The following PEX14 variants were observed in gnomAD, a reference collection of about 807,000 sequenced individuals.
PEX14 encodes peroxisomal biogenesis factor 14.
In PEX14, 15 loss-of-function variants were observed where a neutral mutation model predicts 49.5. That is an observed-to-expected ratio of 0.30 (90% CI 0.20 to 0.47). PEX14 has a LOEUF of 0.47. Ranked by LOEUF, PEX14 falls within the 20% of genes least tolerant of loss-of-function variation. The pLI is 1.00. For synonymous variants in PEX14, 210 were observed against 212.7 expected (o/e 0.99, Z 0.11); for missense variants, 398 against 494.8 (o/e 0.80, Z 1.86).
intron 2 of PEX14, among the ~76,000 whole-genome samples, chr1:10,509,505 TC>T (rs1641847315): frequency 6.6e-6 from 1 of 152,156 alleles, no homozygotes; most frequent in Non-Finnish European, 1.5e-5. Context: ...TAACTTCAGT[TC>T]CAGTGAAATC....
intron 3 of PEX14, among the ~76,000 whole-genome samples, chr1:10,563,208 G>A (rs915679960): frequency 4.7e-5 from 7 of 150,090 alleles, no homozygotes; most frequent in Admixed American, 1.3e-4. Flanking sequence ...GAGCCACGGC[G>A]CCTGGCCGCT....
At chr1:10,531,001 C>T (rs1369757428) in intron 2 of PEX14, among the ~76,000 whole-genome samples, 1 of 152,150 alleles carries the variant, frequency 6.6e-6, no homozygotes, top group Non-Finnish European at 1.5e-5. Context: ...CCGCTGCTTC[C>T]TTCCCTCCCC....
chr1:10,537,328 G>A (rs1486608637), intron 3 of PEX14, among the ~76,000 whole-genome samples: 2 of 90,244 alleles, frequency 2.2e-5, no homozygotes, highest in Non-Finnish European at 4.1e-5. Flanking sequence ...CTCACTGGCT[G>A]CATTGTGCCA....
intron 3 of PEX14, among the ~76,000 whole-genome samples, chr1:10,559,791 T>C (rs1330424886): frequency 6.6e-6 from 1 of 152,242 alleles, no homozygotes; most frequent in African/African-American, 2.4e-5. Flanking sequence ...GTCATCAGGC[T>C]GCTGCCCTCA....
chr1:10,558,934 A>T (rs11121588), intron 3 of PEX14, among the ~76,000 whole-genome samples: 109,977 of 151,326 alleles, frequency 0.73, 41,057 homozygotes, highest in Non-Finnish European at 0.82. Context: ...TTTTTAATTT[A>T]TTCTTCTTGC....
At chr1:10,534,669 G>T (rs901266020) in intron 2 of PEX14, among the ~76,000 whole-genome samples, 7 of 152,070 alleles carry the variant, frequency 4.6e-5, no homozygotes, top group African/African-American at 1.4e-4. Context: ...CATGACGGTG[G>T]TTAGTACTGT....
chr1:10,496,572 T>A (rs922357900), intron 2 of PEX14, among the ~76,000 whole-genome samples: 5 of 152,196 alleles, frequency 3.3e-5, no homozygotes, highest in African/African-American at 1.2e-4. Flanking sequence ...CAAATTTTGA[T>A]GTACCCATTT....
At chr1:10,516,007 C>G (rs945562827) in intron 2 of PEX14, among the ~76,000 whole-genome samples, 9 of 152,210 alleles carry the variant, frequency 5.9e-5, no homozygotes, top group Non-Finnish European at 1.3e-4. Flanking sequence ...TCATACCTTA[C>G]TTTGATTTGA....
chr1:10,521,850 TC>T (rs1638303495), intron 2 of PEX14, among the ~76,000 whole-genome samples: 1 of 152,220 alleles, frequency 6.6e-6, no homozygotes, highest in East Asian at 1.9e-4. Context: ...TCTAGGTAAT[TC>T]CTGGGAAAGA....
At chr1:10,533,189 G>A (rs545675243) in intron 2 of PEX14, among the ~76,000 whole-genome samples, 86 of 152,144 alleles carry the variant, frequency 5.7e-4, no homozygotes, top group African/African-American at 2.0e-3. Context: ...AGCACATTAG[G>A]TTGGGGCTAT....
At chr1:10,504,765 C>G (rs1446797437) in intron 2 of PEX14, among the ~76,000 whole-genome samples, 1 of 150,794 alleles carries the variant, frequency 6.6e-6, no homozygotes, top group Non-Finnish European at 1.5e-5. Flanking sequence ...TTTCCTTTTC[C>G]TTTTCTCTTC....
Position 10,629,558 on chromosome 1 carries a change from C to T in PEX14, c.705C>T (p.Ala235=). The change falls in exon 9 of 9, where the codon GCC becomes GCT. Residue 235 remains alanine (A), a synonymous_variant. Coordinates refer to ENST00000356607, the MANE Select transcript of PEX14 (RefSeq NM_004565.3). The surrounding 1 kb of genome is among the most constrained non-coding windows in gnomAD (Gnocchi z 8.5). ...NRRQFPPSPS[A]PKIPSWQIPV... The stretch of plus-strand genomic sequence containing the variant: ...GGCAGTTCCCTCCATCCCCATCAGC[C>T]CCGAAGATCCCCTCCTGGCAGATCC... 1 of 1,613,860 alleles carries T rather than the reference C, an allele frequency of 6.2e-7. No individual in the cohort carries two copies.
intron 3 of PEX14, among the ~76,000 whole-genome samples, chr1:10,560,478 A>T (rs1639620793): frequency 6.6e-6 from 1 of 152,026 alleles, no homozygotes. Flanking sequence ...CCCAGGCTGG[A>T]GTGCAGTGGT....
chr1:10,591,657 G>GTGTA (rs1332614887), intron 3 of PEX14, among the ~76,000 whole-genome samples: 3 of 151,754 alleles, frequency 2.0e-5, no homozygotes, highest in Admixed American at 6.6e-5. Flanking sequence ...GTGTGTGTGT[G>GTGTA]TGTGTGTGTG....
chr1:10,519,075 C>T (rs1423622172), intron 2 of PEX14, among the ~76,000 whole-genome samples: 1 of 152,256 alleles, frequency 6.6e-6, no homozygotes, highest in Admixed American at 6.5e-5. Context: ...CGTTGTCCAA[C>T]AGGGGGTGAA....
chr1:10,505,179 C>T (rs1641759965), intron 2 of PEX14, among the ~76,000 whole-genome samples: 1 of 152,138 alleles, frequency 6.6e-6, no homozygotes, highest in South Asian at 2.1e-4. Flanking sequence ...AGGTATTAAA[C>T]ATCTTTTAGG....
chr1:10,518,300 C>T (rs888978324), intron 2 of PEX14, among the ~76,000 whole-genome samples: 1 of 152,064 alleles, frequency 6.6e-6, no homozygotes, highest in Non-Finnish European at 1.5e-5. Context: ...CTCCCTGCCT[C>T]CCCCGGGTGG....
chr1:10,604,075 G>A (rs1218065037), intron 4 of PEX14, among the ~76,000 whole-genome samples: 1 of 152,146 alleles, frequency 6.6e-6, no homozygotes. Flanking sequence ...CCAGACCCCT[G>A]GGCTAAAGAG....
chr1:10,627,158 C>G (rs568433509), intron 7 of PEX14, 114 bp from the exon 8 acceptor site: 28 of 783,572 alleles, frequency 3.6e-5, no homozygotes, highest in Non-Finnish European at 6.1e-5. Flanking sequence ...CCGGGTTCCC[C>G]AGAACAGACC....
Sources: gnomAD v4.1 joint callset for allele counts (sites outside exome capture counted in the v4.1 genomes callset) on GRCh38, gnomAD v4.1.1 for gene constraint, Gnocchi (gnomAD v3.1) non-coding constraint, MANE v1.5 for transcripts, NCBI Gene and HGNC (gene_info 2026-07-23, HGNC 2026-07-21) for gene names.